Variants in NBPF8 observed in about 807,000 individuals in gnomAD.
The protein encoded by NBPF8 is NBPF family member NBPF8.
At chr1:120,436,489 C>G in exon 1 of NBPF8, 1 of 1,425,428 alleles carries the variant, frequency 7.0e-7, no homozygotes, top group Non-Finnish European at 9.9e-7. Flanking sequence ...TCTCCCCAGT[C>G]CCTGACTCCA....
chr1:120,419,137 C>T (rs1410214231), upstream of NBPF8, among the ~76,000 whole-genome samples: 2 of 152,194 alleles, frequency 1.3e-5, no homozygotes, highest in African/African-American at 4.8e-5. Flanking sequence ...CCAAGTGTCA[C>T]AGTTTTCACC....
exon 13 of NBPF8, chr1:120,452,168 G>A: frequency 1.2e-6 from 2 of 1,602,958 alleles, no homozygotes; most frequent in East Asian, 2.2e-5. Flanking sequence ...CCCAGTTAAG[G>A]GAGAAGTTGC....
chr1:120,453,365 T>A lies in NBPF8; in HGVS notation n.2290-7T>A. 5 of 826,192 alleles carry A rather than the reference T, an allele frequency of 6.1e-6. No homozygotes were observed. The highest frequency in any genetic ancestry group is 3.4e-4 in the Middle Eastern group (1 of 2,920). The allele number at this position is 826,192 out of a possible 1,614,324, so 51.2% of individuals were successfully genotyped here. ...AAATATCTGAACGAACACTTCTGTA[T>A]TTACAGAAAATGACAACGATGACGA... is the stretch of plus-strand genomic sequence containing the variant. On this transcript the variant is annotated splice_region_variant and splice_polypyrimidine_tract_variant and intron_variant and non_coding_transcript_variant, in intron 13 of 24. Transcript: ENST00000583271.
At chr1:120,457,080 G>T (rs1350184025) in intron 16 of NBPF8, among the ~76,000 whole-genome samples, 1 of 152,158 alleles carries the variant, frequency 6.6e-6, no homozygotes, top group Non-Finnish European at 1.5e-5. Flanking sequence ...TAAGAATGTT[G>T]AAGATGCTGG....
chr1:120,420,760 C>T (rs1660551970), intron 1 of NBPF8, among the ~76,000 whole-genome samples: 1 of 146,228 alleles, frequency 6.8e-6, no homozygotes, highest in Non-Finnish European at 1.5e-5. Flanking sequence ...TGGTGGATGT[C>T]TTCTTTCACT....
chr1:120,434,386 T>C (rs1299836199), upstream of NBPF8, among the ~76,000 whole-genome samples: 1 of 147,084 alleles, frequency 6.8e-6, no homozygotes, highest in Non-Finnish European at 1.5e-5. Context: ...TATATATGTA[T>C]ATATAATATA....
At chr1:120,425,258 G>A (rs1387261613) in intron 1 of NBPF8, among the ~76,000 whole-genome samples, 20 of 151,916 alleles carry the variant, frequency 1.3e-4, no homozygotes, top group South Asian at 2.1e-4. Context: ...TCTCCTCCTC[G>A]TCCCTGGGCA....
downstream of NBPF8, among the ~76,000 whole-genome samples, chr1:120,469,526 A>G (rs1327369611): frequency 2.6e-5 from 4 of 150,968 alleles, no homozygotes; most frequent in Non-Finnish European, 5.9e-5. Flanking sequence ...CCTTTGTCAT[A>G]TTGGTGATTT....
upstream of NBPF8, chr1:120,433,008 G>A (rs1191765735): frequency 3.3e-5 from 5 of 152,114 alleles, no homozygotes; most frequent in African/African-American, 1.2e-4. Context: ...ATCATTACAT[G>A]CTTAACAATA....
rs1330430622 is a variant in NBPF8 at position 120,460,557 on chromosome 1, A to C, written n.2785-16A>C. ...AACTGCTTAATGTAAGAGGGCCCAT[A>C]TGAATTTATTTGCAGGACATCGGTG... On this transcript the variant is annotated splice_polypyrimidine_tract_variant and intron_variant and non_coding_transcript_variant, in intron 17 of 24. Coordinates refer to ENST00000583271, the Ensembl canonical transcript of NBPF8. The C allele has an allele frequency of 1.9e-5, 27 of 1,404,454 alleles. No homozygotes were observed. Among genetic ancestry groups the C allele is most frequent in the Middle Eastern group, 1.8e-4 (1 of 5,534 alleles). The allele number at this position is 1,404,454 out of a possible 1,614,324, so 87.0% of individuals were successfully genotyped here. A position where few individuals can be genotyped will look rare whatever the true frequency, so the allele number is the denominator to read the frequency against.
rs1204964241 is a variant in NBPF8 at position 120,465,245 on chromosome 1, T to C, written n.3460-18T>C. ...GGAATCAGCTTAATGTGTCTGTCCA[T>C]GTCTGAATTTATTGCAGAAATTGAA... is the stretch of plus-strand genomic sequence containing the variant. On this transcript the variant is annotated intron_variant and non_coding_transcript_variant, in intron 23 of 24. Transcript: ENST00000583271. 21 of 550,936 alleles carry C rather than the reference T, an allele frequency of 3.8e-5. No homozygotes were observed. The highest frequency in any genetic ancestry group is 6.1e-5 in the Non-Finnish European group (19 of 310,680). The allele number at this position is 550,936 out of a possible 1,614,324, so 34.1% of individuals were successfully genotyped here.
chr1:120,416,149 GT>G (rs1660431561), upstream of NBPF8, among the ~76,000 whole-genome samples: 1 of 151,648 alleles, frequency 6.6e-6, no homozygotes, highest in South Asian at 2.1e-4. Flanking sequence ...GCTGATATGT[GT>G]TAGTAGCTTT....
chr1:120,454,658 C>G (rs1661382880), intron 15 of NBPF8, among the ~76,000 whole-genome samples: 1 of 140,138 alleles, frequency 7.1e-6, no homozygotes, highest in African/African-American at 2.7e-5. Flanking sequence ...GTTCTCCACC[C>G]TGTCAATGCA....
At chr1:120,452,506 G>C in intron 13 of NBPF8, among the ~76,000 whole-genome samples, 175 bp downstream of exon 11, 1 of 152,116 alleles carries the variant, frequency 6.6e-6, no homozygotes, top group East Asian at 1.9e-4. Context: ...CCATGGGGTT[G>C]GAGGTCACAG....
chr1:120,425,361 C>T (rs1221096545), intron 1 of NBPF8, among the ~76,000 whole-genome samples: 1 of 151,956 alleles, frequency 6.6e-6, no homozygotes, highest in Non-Finnish European at 1.5e-5. Flanking sequence ...ATGCTGGCAG[C>T]AATACTGCTC....
chr1:120,415,034 C>T (rs2938055), upstream of NBPF8, among the ~76,000 whole-genome samples: 73,834 of 152,024 alleles, frequency 0.49, 19,637 homozygotes, highest in African/African-American at 0.69. Flanking sequence ...CCTGACGCGC[C>T]GAGCGGGACC....
chr1:120,432,885 G>T (rs1191038079), upstream of NBPF8: 1 of 151,138 alleles, frequency 6.6e-6, no homozygotes, highest in Non-Finnish European at 1.5e-5. Context: ...GCAGTCTGTT[G>T]TACCGAAATT....
At chr1:120,462,450 T>G (rs1216276748) in intron 20 of NBPF8, among the ~76,000 whole-genome samples, 2 of 144,806 alleles carry the variant, frequency 1.4e-5, no homozygotes, top group African/African-American at 2.6e-5. Flanking sequence ...TGAGCAAGTT[T>G]ATGGAAAATT....
At chr1:120,461,930 A>T (rs1661602451) in intron 19 of NBPF8, among the ~76,000 whole-genome samples, 19 of 103,320 alleles carry the variant, frequency 1.8e-4, no homozygotes, top group South Asian at 3.9e-4. Flanking sequence ...TGGGACAACG[A>T]TCTACCAGAA....
Sources: gnomAD v4.1 joint callset for allele counts (sites outside exome capture counted in the v4.1 genomes callset) on GRCh38, gnomAD v4.1.1 for gene constraint, MANE v1.5 for transcripts, NCBI Gene and HGNC (gene_info 2026-07-23, HGNC 2026-07-21) for gene names.